UNKL: variants seen among roughly 807,000 people sequenced by gnomAD.
UNKL encodes unk like zinc finger.
A neutral mutation model predicts 78.0 loss-of-function variants in UNKL; 60 were observed. That is an observed-to-expected ratio of 0.77 (90% confidence interval 0.63 to 0.95). The LOEUF (loss-of-function observed/expected upper bound fraction) is 0.95, where lower values mean the gene tolerates loss of function less well. UNKL is among the 40% of genes least tolerant of loss of function. The pLI is 0.00. For synonymous variants in UNKL, 608 were observed against 474.8 expected, an observed-to-expected ratio of 1.28 and a Z score of -3.65; for missense variants, 1,159 against 1,045.7, an observed-to-expected ratio of 1.11 and a Z score of -1.49.
chr16:1,371,700 G>T, intron 10 of UNKL, 89 bp from the exon 11 acceptor site: 2 of 1,363,526 alleles, frequency 1.5e-6, no homozygotes, highest in Non-Finnish European at 2.0e-6. Context: ...TCCCACCTGG[G>T]CTTAGAGTGA....
At chr16:1,372,009 C>T (rs2035883846) in intron 10 of UNKL, among the ~76,000 whole-genome samples, 1 of 152,098 alleles carries the variant, frequency 6.6e-6, no homozygotes, top group Admixed American at 6.6e-5. Flanking sequence ...GTAATCCCAG[C>T]ACTTTGGGAG....
At chr16:1,408,924 TC>T (rs1216092128) in intron 2 of UNKL, 22 of 146,906 alleles carry the variant, frequency 1.5e-4, no homozygotes, top group African/African-American at 5.6e-4. Flanking sequence ...AATAGAAATT[TC>T]TTTTTTTTTT....
chr16:1,392,431 C>T lies in UNKL; in HGVS notation c.1023+460G>A, dbSNP rs550048290. On this transcript the variant is annotated intron_variant, in intron 8 of 14. Coordinates refer to ENST00000389221, the MANE Select transcript of UNKL (RefSeq NM_001372107.1). Reference sequence around the variant, plus strand: ...TACCTTCCTAGAAGCCCAACCCCCTCTTCCCCCCTCTTTTTTTGTTTGAGA... The same window carrying T: ...TACCTTCCTAGAAGCCCAACCCCCTTTTCCCCCCTCTTTTTTTGTTTGAGA... 1.3e-5 allele frequency among the ~76,000 whole-genome samples: 2 copies of T among 151,148 alleles called. 1 individual carries two copies. The highest frequency in any genetic ancestry group is 3.0e-5 in the Non-Finnish European group (2 of 67,766).
chr16:1,413,587 A>T (rs1476739137), intron 2 of UNKL, among the ~76,000 whole-genome samples: 1 of 152,266 alleles, frequency 6.6e-6, no homozygotes, highest in East Asian at 1.9e-4. Flanking sequence ...AACAAAAAAA[A>T]GTGGGAGGTG....
intron 6 of UNKL, among the ~76,000 whole-genome samples, chr16:1,396,839 C>T (rs1265296973): frequency 6.6e-6 from 1 of 152,210 alleles, no homozygotes; most frequent in Non-Finnish European, 1.5e-5. Context: ...CTGCCTCAGC[C>T]TCCCAAAGTG....
At position 1,401,450 on chromosome 16, in the gene UNKL, T is replaced by G. The variant is rs371418750; in HGVS notation, c.598+118A>C. The G allele has an allele frequency of 1.3e-4, 167 of 1,275,070 alleles. 1 individual carries two copies. The South Asian group carries it at 3.5e-3, about 27-fold the overall frequency. 79.0% of individuals were successfully genotyped at this position (1,275,070 alleles called of 1,614,324 possible). On this transcript the variant is annotated intron_variant, in intron 4 of 14. Coordinates refer to ENST00000389221, the MANE Select transcript of UNKL (RefSeq NM_001372107.1). The stretch of plus-strand genomic sequence containing the variant: ...GTATTGGACTCCACGAGCCTCGGTT[T>G]CCCCATCTGATCACCTTGCACGTAA...
At chr16:1,374,501 T>C (rs1192276327) in intron 10 of UNKL, among the ~76,000 whole-genome samples, 7 of 152,082 alleles carry the variant, frequency 4.6e-5, no homozygotes, top group Non-Finnish European at 1.0e-4. Flanking sequence ...GGGAAACCTG[T>C]CAGACCCGAC....
At position 1,403,251 on chromosome 16, in the gene UNKL, T is replaced by C. The variant is rs1596757478; in HGVS notation, c.381A>G (p.Ala127=). ...GCCCATTCTTCACGCAGTGGCCACGTGCGTCTGTCTCGTGGATGCAGGTTC... is the reference window on the plus strand; with the variant it reads ...GCCCATTCTTCACGCAGTGGCCACGCGCGTCTGTCTCGTGGATGCAGGTTC... ...KTGTCIHETD[A]RGHCVKNGLH... The change falls in exon 3 of 15, where the codon GCA becomes GCG. Residue 127 remains alanine, a synonymous_variant. Transcript: ENST00000389221. This position sits in a 1 kb window ranked among gnomAD's most constrained non-coding sequence, Gnocchi z 4.8. 6.2e-7 allele frequency: 1 copy of C among 1,614,182 alleles called. No individual in the cohort carries two copies. The highest frequency in any genetic ancestry group is 8.5e-7 in the Non-Finnish European group (1 of 1,180,030).
chr16:1,402,656 C>T (rs1166002471), intron 3 of UNKL, among the ~76,000 whole-genome samples: 1 of 150,250 alleles, frequency 6.7e-6, no homozygotes, highest in African/African-American at 2.5e-5. Flanking sequence ...GAGCGAGATT[C>T]CATCTCAAAA....
rs568422859 is a variant in UNKL at position 1,400,571 on chromosome 16, T to A, written c.598+997A>T. Among the ~76,000 whole-genome samples the A allele has an allele frequency of 3.9e-5, 6 of 152,214 alleles. No individual in the cohort carries two copies. The South Asian group carries it at 1.2e-3, about 32-fold the overall frequency. ...AACTGCTCATAAGCAGGGGGGTTCC[T>A]TCTGCAGGGATGGAATGTTCTGGAA... On this transcript the variant is annotated intron_variant, in intron 4 of 14. Coordinates refer to ENST00000389221, the MANE Select transcript of UNKL (RefSeq NM_001372107.1).
At position 1,368,093 on chromosome 16, in the gene UNKL, C is replaced by A. The variant is rs1445683931; in HGVS notation, c.1586-235G>T. 3 of 575,254 alleles carry A rather than the reference C, an allele frequency of 5.2e-6. No homozygotes were observed. In the South Asian group the frequency reaches 6.3e-5, roughly 12 times the overall value. The allele number at this position is 575,254 out of a possible 1,614,324, so 35.6% of individuals were successfully genotyped here. A position where few individuals can be genotyped will look rare whatever the true frequency, so the allele number is the denominator to read the frequency against. The stretch of plus-strand genomic sequence containing the variant: ...GGCCGGTCTCCCCACCAGATCTACG[C>A]CTTCCTGGCCACCTGAGGAGTCTAA... On this transcript the variant is annotated intron_variant, in intron 12 of 14. Transcript: ENST00000389221.
chr16:1,370,637 C>T (rs116678909), intron 11 of UNKL, among the ~76,000 whole-genome samples: 3,859 of 152,300 alleles, frequency 0.025, 78 homozygotes, highest in African/African-American at 0.045. Flanking sequence ...CCAAAGAGGC[C>T]GGACACCCAC....
intron 12 of UNKL, 120 bp from the exon 13 acceptor site, chr16:1,367,978 T>C: frequency 1.1e-6 from 1 of 903,166 alleles, no homozygotes; most frequent in South Asian, 1.7e-5. Flanking sequence ...TCACCTGCCC[T>C]GGCAGCAGGG....
At position 1,370,754 on chromosome 16, in the gene UNKL, G is replaced by A. The variant is rs370196288; in HGVS notation, c.1358-397C>T. Among the ~76,000 whole-genome samples, 20 of 152,334 alleles carry A rather than the reference G, an allele frequency of 1.3e-4. 1 individual carries two copies. In the East Asian group the frequency reaches 3.7e-3, roughly 28 times the overall value. ...AAAAGAAAGAAAAGATACACTTTTAGGCTGAATGAAAAGATGTTGTATACG... is the reference window on the plus strand; with the variant it reads ...AAAAGAAAGAAAAGATACACTTTTAAGCTGAATGAAAAGATGTTGTATACG... On this transcript the variant is annotated intron_variant, in intron 11 of 14. Transcript: ENST00000389221.
intron 5 of UNKL, among the ~76,000 whole-genome samples, chr16:1,397,517 A>C (rs1365685392): frequency 4.3e-5 from 2 of 46,518 alleles, no homozygotes; most frequent in Non-Finnish European, 8.1e-5. Context: ...TGGCTCCCCC[A>C]CCCCGACCCC....
chr16:1,413,579 C>CA (rs952255409), intron 2 of UNKL, among the ~76,000 whole-genome samples: 44 of 151,922 alleles, frequency 2.9e-4, no homozygotes, highest in African/African-American at 4.6e-4. Flanking sequence ...AAAAAACAAA[C>CA]AAAAAAAAGT....
rs1229438978 is a variant in UNKL, at chr16:1,371,598, G to A, written c.1278C>T (p.Asp426=). 13 of 1,536,054 alleles carry A rather than the reference G, an allele frequency of 8.5e-6. No individual in the cohort carries two copies. In the Admixed American group the frequency reaches 1.4e-4, roughly 16 times the overall value. The change falls in exon 11 of 15, where the codon GAC becomes GAT. Residue 426 remains aspartate (D), a synonymous_variant. Coordinates refer to ENST00000389221, the MANE Select transcript of UNKL (RefSeq NM_001372107.1). ...TVEAVLGSAL[D]LHLSNVNIAS... Reference sequence around the variant, plus strand: ...CAATATTCACATTGCTAAGATGCAGGTCTAACGCAGAACCTGTCAACAGAG... The same window carrying A: ...CAATATTCACATTGCTAAGATGCAGATCTAACGCAGAACCTGTCAACAGAG...
chr16:1,414,230 T>C (rs2038177162), intron 1 of UNKL, among the ~76,000 whole-genome samples, 175 bp from the exon 2 acceptor site: 1 of 149,928 alleles, frequency 6.7e-6, no homozygotes, highest in Admixed American at 6.6e-5. Context: ...GACGCGACCC[T>C]CACCCGACCT....
intron 9 of UNKL, among the ~76,000 whole-genome samples, chr16:1,389,788 G>C (rs1596718965): frequency 6.6e-6 from 1 of 152,178 alleles, no homozygotes; most frequent in African/African-American, 2.4e-5. Flanking sequence ...CCCCAGAACT[G>C]AGAGAGTCAA....
Sources: allele counts gnomAD v4.1 joint callset (sites outside exome capture counted in the v4.1 genomes callset), GRCh38; gene constraint gnomAD v4.1.1; non-coding constraint Gnocchi (gnomAD v3.1); transcripts MANE v1.5; gene names NCBI Gene and HGNC (gene_info 2026-07-23, HGNC 2026-07-21).